The following STAG1 variants were observed in gnomAD, a reference collection of about 807,000 sequenced individuals.
STAG1 encodes the protein cohesin subunit SA-1.
STAG1 carries 26 observed loss-of-function variants against 170.9 expected under a neutral mutation model. That is an observed-to-expected ratio of 0.15 (90% CI 0.11 to 0.21). The LOEUF (loss-of-function observed/expected upper bound fraction) is 0.21, where lower values mean the gene tolerates loss of function less well. Ranked by LOEUF, STAG1 falls within the 10% of genes least tolerant of loss-of-function variation. STAG1 has a pLI of 1.00. For synonymous variants in STAG1, 514 were observed against 497.7 expected (o/e 1.03, Z -0.44); for missense variants, 964 against 1,509.5 (o/e 0.64, Z 5.99).
At chr3:136,637,496 T>C (rs1309480999) in intron 1 of STAG1, among the ~76,000 whole-genome samples, 1 of 152,208 alleles carries the variant, frequency 6.6e-6, no homozygotes, top group African/African-American at 2.4e-5. Context: ...ATTCTGCTCT[T>C]TCTCTCTGAA....
chr3:136,600,091 T>TCCC lies in STAG1; in HGVS notation c.297+4215_297+4217dup, dbSNP rs1938599223. 2.6e-5 allele frequency among the ~76,000 whole-genome samples: 4 copies of TCCC among 152,310 alleles called. No homozygotes were observed. In the East Asian group the frequency reaches 7.7e-4, roughly 29 times the overall value. On this transcript the variant is annotated intron_variant, in intron 4 of 33. Coordinates refer to ENST00000383202, the MANE Select transcript of STAG1 (RefSeq NM_005862.3). ...AGTTATAAGAATTATGTCCATCTTCTCCCTTTCCTCAGCTTTTGATTTCCT... is the reference window on the plus strand; with the variant it reads ...AGTTATAAGAATTATGTCCATCTTCTCCCCCCTTTCCTCAGCTTTTGATTTCCT...
At chr3:136,479,059 T>TC (rs1040263003) in intron 9 of STAG1, among the ~76,000 whole-genome samples, 2 of 78,722 alleles carry the variant, frequency 2.5e-5, no homozygotes, top group Non-Finnish European at 4.7e-5. Flanking sequence ...TTATAATCTT[T>TC]CTTTTTTTTT....
At position 136,451,360 on chromosome 3, in the gene STAG1, A is replaced by T. The variant is rs1482246810; in HGVS notation, c.1428+673T>A. 2.6e-5 allele frequency among the ~76,000 whole-genome samples: 4 copies of T among 152,212 alleles called. No individual in the cohort carries two copies. The East Asian group carries it at 7.7e-4, about 29-fold the overall frequency. ...TTGTATTTTTCTTTCTCCTTACTAA[A>T]TAATTTTCAAACAAGATAAAACTAA... is the stretch of plus-strand genomic sequence containing the variant. On this transcript the variant is annotated intron_variant, in intron 14 of 33. Coordinates refer to ENST00000383202, the MANE Select transcript of STAG1 (RefSeq NM_005862.3).
At chr3:136,492,842 G>T (rs574353699) in intron 9 of STAG1, among the ~76,000 whole-genome samples, 35 of 152,262 alleles carry the variant, frequency 2.3e-4, no homozygotes, top group African/African-American at 8.4e-4. Context: ...TCTTAATTTT[G>T]TTAAGAGATG....
intron 3 of STAG1, among the ~76,000 whole-genome samples, chr3:136,616,293 C>G (rs1284406299): frequency 6.6e-6 from 1 of 150,976 alleles, no homozygotes; most frequent in Admixed American, 6.6e-5. Context: ...AGTCATCAGA[C>G]CTCAAATTTC....
intron 1 of STAG1, among the ~76,000 whole-genome samples, chr3:136,694,442 C>T (rs775720881): frequency 2.0e-5 from 3 of 151,410 alleles, no homozygotes; most frequent in Admixed American, 1.3e-4. Flanking sequence ...ATAGTGAGAC[C>T]GTGTCTCAAC....
intron 21 of STAG1, among the ~76,000 whole-genome samples, chr3:136,408,903 G>A (rs1323300567): frequency 6.6e-6 from 1 of 152,080 alleles, no homozygotes; most frequent in African/African-American, 2.4e-5. Flanking sequence ...TAATTTCTAA[G>A]CTCAGTCATG....
At chr3:136,406,502 T>A (rs1274631683) in intron 21 of STAG1, among the ~76,000 whole-genome samples, 3 of 152,154 alleles carry the variant, frequency 2.0e-5, no homozygotes, top group Admixed American at 6.6e-5. Flanking sequence ...TCTAAACACA[T>A]TAAAATTCAT....
intron 1 of STAG1, among the ~76,000 whole-genome samples, chr3:136,664,816 A>C (rs1941698854): frequency 6.6e-6 from 1 of 152,242 alleles, no homozygotes; most frequent in African/African-American, 2.4e-5. Context: ...CCAGTTACTT[A>C]AACAGACCAA....
At chr3:136,367,403 T>C (rs534836656) in intron 24 of STAG1, among the ~76,000 whole-genome samples, 1 of 152,146 alleles carries the variant, frequency 6.6e-6, no homozygotes, top group Admixed American at 6.6e-5. Context: ...GAGGGCTGAT[T>C]ATACTCTACC....
intron 16 of STAG1, among the ~76,000 whole-genome samples, chr3:136,428,333 G>C (rs141008061): frequency 6.3e-4 from 96 of 152,284 alleles, no homozygotes; most frequent in African/African-American, 2.3e-3. Context: ...CCCTTTTCTG[G>C]ATTGGTTTAC....
Position 136,561,289 on chromosome 3 carries a change from T to C in STAG1, c.394+7476A>G, listed in dbSNP as rs115124083. On this transcript the variant is annotated intron_variant, in intron 5 of 33. Transcript: ENST00000383202. The stretch of plus-strand genomic sequence containing the variant: ...AACTTATAGATTTTGAGTCAGTTAA[T>C]TGTGAGTCAGTTAATAAAAAGGTCT... Among the ~76,000 whole-genome samples the C allele has an allele frequency of 6.0e-3, 907 of 152,340 alleles. 7 individuals carry two copies. The highest frequency in any genetic ancestry group is 0.021 in the African/African-American group (871 of 41,576).
At chr3:136,677,147 T>G (rs930837689) in intron 1 of STAG1, among the ~76,000 whole-genome samples, 6 of 152,214 alleles carry the variant, frequency 3.9e-5, no homozygotes, top group Admixed American at 6.5e-5. Context: ...TATAGTACAA[T>G]AAATATACAA....
At chr3:136,686,534 A>G (rs1379899371) in intron 1 of STAG1, among the ~76,000 whole-genome samples, 1 of 152,232 alleles carries the variant, frequency 6.6e-6, no homozygotes, top group Non-Finnish European at 1.5e-5. Flanking sequence ...TTAGGCCAAC[A>G]TCATCTTGTT....
chr3:136,544,992 T>C (rs2107730529), intron 5 of STAG1, among the ~76,000 whole-genome samples: 1 of 152,280 alleles, frequency 6.6e-6, no homozygotes, highest in African/African-American at 2.4e-5. Context: ...AGTTATGTAC[T>C]AGAGATAATC....
At chr3:136,555,335 G>C (rs1936566974) in intron 5 of STAG1, among the ~76,000 whole-genome samples, 1 of 151,300 alleles carries the variant, frequency 6.6e-6, no homozygotes, top group Non-Finnish European at 1.5e-5. Flanking sequence ...AACATAGCGA[G>C]TCTCTAAATA....
chr3:136,472,286 A>C lies in STAG1; in HGVS notation c.1205+127T>G, dbSNP rs2089646671. 1.2e-5 allele frequency: 6 copies of C among 521,474 alleles called. No homozygotes were observed. In the Admixed American group the frequency reaches 1.9e-4, roughly 17 times the overall value. The allele number at this position is 521,474 out of a possible 1,614,324, so 32.3% of individuals were successfully genotyped here. On this transcript the variant is annotated intron_variant, in intron 12 of 33. Coordinates refer to ENST00000383202, the MANE Select transcript of STAG1 (RefSeq NM_005862.3). ...AAACACTTTTTAAATCTAACGTTAA[A>C]ATGTAAAAGTTGAACCTAAAATGAT...
chr3:136,423,975 T>C (rs1293081284), intron 16 of STAG1, among the ~76,000 whole-genome samples: 1 of 151,966 alleles, frequency 6.6e-6, no homozygotes, highest in African/African-American at 2.4e-5. Context: ...GTGATTCTCC[T>C]GCATCAGCCT....
At chr3:136,479,076 T>C (rs58336458) in intron 9 of STAG1, among the ~76,000 whole-genome samples, 1 of 136,652 alleles carries the variant, frequency 7.3e-6, no homozygotes, top group Non-Finnish European at 1.6e-5. Flanking sequence ...TTTTTTTTTT[T>C]AATTTTTTTT....
Sources: gnomAD v4.1 joint callset for allele counts (sites outside exome capture counted in the v4.1 genomes callset) on GRCh38, gnomAD v4.1.1 for gene constraint, MANE v1.5 for transcripts, NCBI Gene and HGNC (gene_info 2026-07-23, HGNC 2026-07-21) for gene names.